ABCC1: variants seen among roughly 807,000 people sequenced by gnomAD.
ABCC1 encodes multidrug resistance-associated protein 1.
In ABCC1, 83 loss-of-function variants were observed where a neutral mutation model predicts 172.9. The ratio of observed to expected loss-of-function variants is 0.48; its 90% CI spans 0.40 to 0.58. The LOEUF (loss-of-function observed/expected upper bound fraction) is 0.58, where lower values mean the gene tolerates loss of function less well. Among genes scored for constraint, ABCC1 ranks in the 20% least tolerant of loss-of-function variants. The pLI is 0.00. For synonymous variants in ABCC1, 937 were observed against 825.2 expected (o/e 1.14, Z -2.32); for missense variants, 1,817 against 2,002.7 (o/e 0.91, Z 1.77).
intron 1 of ABCC1, among the ~76,000 whole-genome samples, chr16:15,955,983 T>C (rs2045989027): frequency 1.3e-5 from 2 of 152,054 alleles, no homozygotes; most frequent in Admixed American, 1.3e-4. Context: ...CGCGGTGGCT[T>C]ACACCTGTAA....
chr16:15,961,202 C>T (rs1597054571), intron 1 of ABCC1, among the ~76,000 whole-genome samples: 2 of 152,164 alleles, frequency 1.3e-5, no homozygotes, highest in Non-Finnish European at 2.9e-5. Context: ...TTCTCTTTCT[C>T]AGAACCTTAA....
chr16:15,980,021 C>G (rs1020915190), intron 1 of ABCC1, among the ~76,000 whole-genome samples: 4 of 152,084 alleles, frequency 2.6e-5, no homozygotes, highest in African/African-American at 9.7e-5. Context: ...GCTAAAGAAA[C>G]AGTCTGGGGA....
intron 30 of ABCC1, 69 bp from the exon 31 acceptor site, chr16:16,141,104 C>T (rs1271791130): frequency 7.2e-7 from 1 of 1,393,352 alleles, no homozygotes; most frequent in East Asian, 2.3e-5. Context: ...TTGCCCAGGT[C>T]AGTTGTCCCA....
At chr16:16,117,376 T>G (rs2044936984) in intron 23 of ABCC1, among the ~76,000 whole-genome samples, 1 of 152,144 alleles carries the variant, frequency 6.6e-6, no homozygotes, top group African/African-American at 2.4e-5. Flanking sequence ...CCCCCACGAT[T>G]CAGTTATCTC....
chr16:16,068,382 G>C, intron 13 of ABCC1, 80 bp downstream of exon 13: 1 of 1,532,810 alleles, frequency 6.5e-7, no homozygotes. Context: ...GCCCCCGAGC[G>C]CAGCCTCTAG....
chr16:15,971,418 A>G (rs2046366132), intron 1 of ABCC1, among the ~76,000 whole-genome samples: 1 of 152,206 alleles, frequency 6.6e-6, no homozygotes, highest in Non-Finnish European at 1.5e-5. Flanking sequence ...TGCATATCAA[A>G]GGTTGCTGGC....
chr16:16,134,273 G>A (rs1049564055), intron 27 of ABCC1, 77 bp from the exon 28 acceptor site: 75 of 1,578,478 alleles, frequency 4.8e-5, no homozygotes, highest in Middle Eastern at 1.9e-4. Context: ...AGGTGGGGCC[G>A]AGATGAGGGC....
chr16:15,958,754 C>T (rs910079783), intron 1 of ABCC1, among the ~76,000 whole-genome samples: 1 of 152,156 alleles, frequency 6.6e-6, no homozygotes, highest in African/African-American at 2.4e-5. Context: ...TGCTGGGGAC[C>T]TGCACTTACC....
At chr16:16,040,648 T>C (rs1373824349) in intron 7 of ABCC1, among the ~76,000 whole-genome samples, 1 of 152,000 alleles carries the variant, frequency 6.6e-6, no homozygotes, top group Non-Finnish European at 1.5e-5. Context: ...ATGTGCACAA[T>C]GTGCAGGTTA....
chr16:16,070,298 T>G (rs554225675), intron 13 of ABCC1, among the ~76,000 whole-genome samples: 36 of 150,052 alleles, frequency 2.4e-4, no homozygotes, highest in African/African-American at 8.8e-4. Flanking sequence ...AGCCTAGGAG[T>G]TTGAGGCTGC....
At chr16:16,008,133 G>A in intron 2 of ABCC1, 141 bp downstream of exon 2, 2 of 885,096 alleles carry the variant, frequency 2.3e-6, no homozygotes, top group Admixed American at 3.1e-5. Flanking sequence ...TAATGTGGGA[G>A]GTGAAAACTG....
chr16:16,018,261 G>T (rs1273538333), intron 5 of ABCC1, among the ~76,000 whole-genome samples: 3 of 152,054 alleles, frequency 2.0e-5, no homozygotes, highest in Non-Finnish European at 2.9e-5. Context: ...AGAAACCTAT[G>T]TCTCAGGCCA....
chr16:16,135,170 T>C (rs1046108713), intron 28 of ABCC1, among the ~76,000 whole-genome samples: 2 of 152,192 alleles, frequency 1.3e-5, no homozygotes, highest in African/African-American at 4.8e-5. Context: ...GAAATAAGAC[T>C]TTTTAATTTT....
At chr16:16,013,911 A>G (rs8058069) in intron 3 of ABCC1, among the ~76,000 whole-genome samples, 95,812 of 151,728 alleles carry the variant, frequency 0.63, 30,844 homozygotes, top group Non-Finnish European at 0.7. Context: ...TGGCCGAGGC[A>G]GAGAGCAGGG....
At chr16:16,140,989 G>A (rs1269882776) in intron 30 of ABCC1, among the ~76,000 whole-genome samples, 184 bp from the exon 31 acceptor site, 1 of 152,196 alleles carries the variant, frequency 6.6e-6, no homozygotes, top group Non-Finnish European at 1.5e-5. Flanking sequence ...GGCCTCATGG[G>A]AATCTGACAT....
At chr16:16,040,045 CTGT>C (rs1279379814) in intron 7 of ABCC1, among the ~76,000 whole-genome samples, 26 of 148,654 alleles carry the variant, frequency 1.7e-4, no homozygotes, top group Non-Finnish European at 3.4e-4. Context: ...GACGTGAGTT[CTGT>C]TGTTTGTTTG....
rs552578828 is a variant in ABCC1 at position 16,142,226 on chromosome 16, AGAGT to A, written c.*949_*952del. 1.9e-4 allele frequency: 29 copies of A among 152,376 alleles called. No individual in the cohort carries two copies. The highest frequency in any genetic ancestry group is 3.4e-4 in the Non-Finnish European group (23 of 68,054). 9.4% of individuals were successfully genotyped at this position (152,376 alleles called of 1,614,324 possible). On this transcript the variant is annotated 3_prime_UTR_variant, in exon 31 of 31. Transcript: ENST00000399410. ...TGACCTTGACTAGAAATAGAGACTG[AGAGT>A]GAGCAACCAGCTGGAAGGTACTATG...
At chr16:15,960,819 C>T (rs2151498357) in intron 1 of ABCC1, among the ~76,000 whole-genome samples, 1 of 152,122 alleles carries the variant, frequency 6.6e-6, no homozygotes, top group East Asian at 1.9e-4. Context: ...AACTGCAGAG[C>T]CCATCTCATA....
At chr16:16,066,598 C>T (rs45506894) in intron 12 of ABCC1, among the ~76,000 whole-genome samples, 6 of 152,026 alleles carry the variant, frequency 3.9e-5, no homozygotes, top group East Asian at 1.9e-4. Context: ...TAGACCCTTT[C>T]GAGTAAAGAA....
Sources: gnomAD v4.1 joint callset for allele counts (sites outside exome capture counted in the v4.1 genomes callset) on GRCh38, gnomAD v4.1.1 for gene constraint, MANE v1.5 for transcripts, NCBI Gene and HGNC (gene_info 2026-07-23, HGNC 2026-07-21) for gene names.